The following ZBBX variants were observed in gnomAD, a reference collection of about 807,000 sequenced individuals.
ZBBX encodes the protein zinc finger B-box domain containing.
A neutral mutation model predicts 108.5 loss-of-function variants in ZBBX; 101 were observed. The ratio of observed to expected loss-of-function variants is 0.93; its 90% CI spans 0.79 to 1.10. The LOEUF (loss-of-function observed/expected upper bound fraction) is 1.10. Ranked by LOEUF, ZBBX falls within the 50% of genes least tolerant of loss-of-function variation. The pLI, the probability that ZBBX is intolerant of heterozygous loss-of-function variation, is 0.00. For synonymous variants in ZBBX, 356 were observed against 323.4 expected, an observed-to-expected ratio of 1.10 and a Z score of -1.08; for missense variants, 1,009 against 941.4, an observed-to-expected ratio of 1.07 and a Z score of -0.94.
chr3:167,183,174 G>T, the ZBBX span, among the ~76,000 whole-genome samples: 1 of 152,164 alleles, frequency 6.6e-6, no homozygotes, highest in African/African-American at 2.4e-5. Context: ...AACCTGCTCT[G>T]TCACCTCTTC....
chr3:167,199,607 G>A, the ZBBX span, among the ~76,000 whole-genome samples: 6 of 152,102 alleles, frequency 3.9e-5, no homozygotes, highest in South Asian at 2.1e-4. Flanking sequence ...TAATGCAAGA[G>A]ACCAGTGGAT....
At chr3:167,334,067 ATTCT>A in intron 9 of ZBBX, 82 bp from the exon 10 acceptor site, 5 of 890,670 alleles carry the variant, frequency 5.6e-6, no homozygotes, top group Non-Finnish European at 8.0e-6. Context: ...TATTTGTGTT[ATTCT>A]ATGACTCCCA....
chr3:167,347,132 T>C (rs1443663758), intron 9 of ZBBX, among the ~76,000 whole-genome samples: 1 of 151,980 alleles, frequency 6.6e-6, no homozygotes, highest in Non-Finnish European at 1.5e-5. Context: ...GTGAAACTGT[T>C]CACTGTGCTC....
intron 1 of ZBBX, among the ~76,000 whole-genome samples, chr3:167,401,597 A>T (rs1748425918): frequency 6.6e-6 from 1 of 152,192 alleles, no homozygotes; most frequent in African/African-American, 2.4e-5. Flanking sequence ...TGATGTTGCC[A>T]TGTCATCTGT....
At chr3:167,254,887 T>TGAGAGAGAGAGAGAGAGAGA (rs1553782902) in intron 20 of ZBBX, among the ~76,000 whole-genome samples, 1 of 141,272 alleles carries the variant, frequency 7.1e-6, no homozygotes, top group African/African-American at 2.7e-5. Flanking sequence ...TGTGTGTGTG[T>TGAGAGAGAGAGAGAGAGAGA]GAGAGAGAGA....
At chr3:167,246,386 C>T (rs1387388710) in intron 20 of ZBBX, among the ~76,000 whole-genome samples, 4 of 152,182 alleles carry the variant, frequency 2.6e-5, no homozygotes, top group East Asian at 1.9e-4. Flanking sequence ...CAGTTTAATA[C>T]ATTACTTAAT....
At chr3:167,359,351 T>C (rs1158114633) in intron 8 of ZBBX, among the ~76,000 whole-genome samples, 2 of 152,256 alleles carry the variant, frequency 1.3e-5, no homozygotes, top group South Asian at 2.1e-4. Flanking sequence ...TAGGTCTTGA[T>C]AGAGGTGGAC....
At chr3:167,336,286 AT>A (rs1286548175) in intron 9 of ZBBX, among the ~76,000 whole-genome samples, 1 of 152,122 alleles carries the variant, frequency 6.6e-6, no homozygotes, top group Non-Finnish European at 1.5e-5. Flanking sequence ...ATGCTAAAAA[AT>A]AAGATAAACA....
At chr3:167,235,413 T>C (rs1278698359), downstream of ZBBX, among the ~76,000 whole-genome samples, 1 of 151,614 alleles carries the variant, frequency 6.6e-6, no homozygotes, top group Non-Finnish European at 1.5e-5. Context: ...TTTAAGTATA[T>C]AAGGTTTAAT....
chr3:167,271,052 G>C (rs533212946), intron 20 of ZBBX, among the ~76,000 whole-genome samples: 1 of 152,196 alleles, frequency 6.6e-6, no homozygotes, highest in Non-Finnish European at 1.5e-5. Flanking sequence ...TGAAGAAATA[G>C]AGTCAGGCAA....
chr3:167,338,907 T>G (rs1293080529), intron 9 of ZBBX, among the ~76,000 whole-genome samples: 2 of 152,232 alleles, frequency 1.3e-5, no homozygotes, highest in East Asian at 3.9e-4. Context: ...TACAAAATCA[T>G]TTCAGGATGA....
At chr3:167,341,816 G>A (rs4333082) in intron 9 of ZBBX, among the ~76,000 whole-genome samples, 125,334 of 151,906 alleles carry the variant, frequency 0.83, 51,827 homozygotes, top group East Asian at 0.93. Context: ...CAATGAAATG[G>A]ATAACATTTT....
intron 3 of ZBBX, 50 bp from the exon 4 acceptor site, chr3:167,373,000 A>G (rs528776711): frequency 1.1e-6 from 1 of 877,748 alleles, no homozygotes; most frequent in African/African-American, 1.7e-5. Context: ...GAAGCAGTAT[A>G]AGTTACAAAT....
intron 20 of ZBBX, among the ~76,000 whole-genome samples, chr3:167,257,057 C>T (rs891010232): frequency 1.3e-5 from 2 of 152,168 alleles, no homozygotes; most frequent in Non-Finnish European, 2.9e-5. Context: ...AAACTGTTCT[C>T]CATAGTGTTT....
At position 167,267,192 on chromosome 3, in the gene ZBBX, C is replaced by T. The variant is rs552870861; in HGVS notation, c.2254+15046G>A. On this transcript the variant is annotated intron_variant, in intron 20 of 21. Coordinates refer to ENST00000675490, the MANE Select transcript of ZBBX (RefSeq NM_001199201.2). The stretch of plus-strand genomic sequence containing the variant: ...GCTTAGGGTGGCCCTTTGGGGGTCC[C>T]GTCAGGGGTTTATACTGGCCCACCA... Among the ~76,000 whole-genome samples the T allele has an allele frequency of 5.9e-5, 9 of 152,244 alleles. No individual in the cohort carries two copies. In the South Asian group the frequency reaches 6.2e-4, roughly 11 times the overall value.
At chr3:167,307,212 C>T (rs1030690529) in intron 16 of ZBBX, among the ~76,000 whole-genome samples, 3 of 152,138 alleles carry the variant, frequency 2.0e-5, no homozygotes, top group Non-Finnish European at 4.4e-5. Flanking sequence ...AAAACTGGCA[C>T]AAGACGAGGA....
intron 8 of ZBBX, among the ~76,000 whole-genome samples, chr3:167,355,080 T>C (rs942449781): frequency 1.7e-4 from 26 of 152,128 alleles, no homozygotes; most frequent in South Asian, 1.0e-3. Context: ...TTTTAACAAA[T>C]ATCTTGTTAA....
intron 20 of ZBBX, among the ~76,000 whole-genome samples, chr3:167,258,083 T>C (rs1723841556): frequency 6.6e-6 from 1 of 152,164 alleles, no homozygotes; most frequent in African/African-American, 2.4e-5. Context: ...CCTAAGCCAA[T>C]GTCTAGAAGG....
At chr3:167,346,075 G>T (rs1187001834) in intron 9 of ZBBX, among the ~76,000 whole-genome samples, 14 of 151,602 alleles carry the variant, frequency 9.2e-5, no homozygotes, top group Admixed American at 7.9e-4. Context: ...TGTCTCTTCT[G>T]TCTGATCTTA....
Sources: allele counts gnomAD v4.1 joint callset (sites outside exome capture counted in the v4.1 genomes callset), GRCh38; gene constraint gnomAD v4.1.1; transcripts MANE v1.5; gene names NCBI Gene and HGNC (gene_info 2026-07-23, HGNC 2026-07-21).